The following SLX4IP variants were observed in gnomAD, a reference collection of about 807,000 sequenced individuals.
SLX4IP encodes the protein SLX4 interacting protein.
SLX4IP carries 34 observed loss-of-function variants against 32.9 expected under a neutral mutation model. The ratio of observed to expected loss-of-function variants is 1.03; its 90% CI spans 0.79 to 1.38. SLX4IP has a LOEUF of 1.38. Among genes scored for constraint, SLX4IP ranks in the 40% most tolerant of loss-of-function variants. The probability of loss-of-function intolerance (pLI) is 0.00; values close to 1 mark genes in which losing one functional copy is unlikely to be tolerated. For synonymous variants in SLX4IP, 172 were observed against 171.7 expected (o/e 1.00, Z -0.01); for missense variants, 444 against 479.0 (o/e 0.93, Z 0.68).
chr20:10,497,003 A>AT (rs2122406535), intron 2 of SLX4IP, among the ~76,000 whole-genome samples: 1 of 152,166 alleles, frequency 6.6e-6, no homozygotes, highest in Non-Finnish European at 1.5e-5. Context: ...GGTTATTAAT[A>AT]TTTTTTCAAT....
chr20:10,543,863 T>C (rs993466109), intron 2 of SLX4IP, among the ~76,000 whole-genome samples: 1 of 152,234 alleles, frequency 6.6e-6, no homozygotes, highest in African/African-American at 2.4e-5. Context: ...TCAACTGCCT[T>C]CACCAGTCAT....
At chr20:10,550,720 A>G (rs1453094070) in intron 2 of SLX4IP, among the ~76,000 whole-genome samples, 2 of 152,138 alleles carry the variant, frequency 1.3e-5, no homozygotes, top group African/African-American at 4.8e-5. Context: ...GTGTTTCTGC[A>G]TTGAGACTCT....
chr20:10,542,902 T>C (rs2066123130), intron 2 of SLX4IP, among the ~76,000 whole-genome samples: 1 of 152,200 alleles, frequency 6.6e-6, no homozygotes, highest in Non-Finnish European at 1.5e-5. Flanking sequence ...TCCACCTATT[T>C]TGTGGGTATG....
At chr20:10,445,891 G>T (rs923887356) in intron 1 of SLX4IP, among the ~76,000 whole-genome samples, 17 of 148,548 alleles carry the variant, frequency 1.1e-4, no homozygotes, top group South Asian at 2.1e-4. Context: ...CTCTGAAACT[G>T]CTGGGATTAC....
chr20:10,581,732 A>G (rs2066588311), intron 4 of SLX4IP, among the ~76,000 whole-genome samples: 1 of 152,148 alleles, frequency 6.6e-6, no homozygotes, highest in African/African-American at 2.4e-5. Flanking sequence ...CCTGGGCAAC[A>G]TAGTGATACC....
chr20:10,446,477 T>G (rs1446840822), intron 1 of SLX4IP, among the ~76,000 whole-genome samples: 2 of 151,972 alleles, frequency 1.3e-5, no homozygotes, highest in African/African-American at 4.8e-5. Flanking sequence ...GAGCCTAAGT[T>G]CTCATTTCTC....
chr20:10,575,418 A>G (rs2066513473), intron 4 of SLX4IP, among the ~76,000 whole-genome samples: 1 of 152,132 alleles, frequency 6.6e-6, no homozygotes, highest in Admixed American at 6.5e-5. Flanking sequence ...GGGCTGGGGC[A>G]TACAGGGAGA....
intron 6 of SLX4IP, chr20:10,614,143 C>T (rs1291253213): frequency 2.3e-5 from 27 of 1,189,044 alleles, no homozygotes; most frequent in Non-Finnish European, 3.2e-5. Flanking sequence ...CCATCGGAGG[C>T]CTCGCGTTGC....
chr20:10,594,612 G>A (rs1426340802), intron 4 of SLX4IP, among the ~76,000 whole-genome samples: 2 of 152,178 alleles, frequency 1.3e-5, no homozygotes, highest in African/African-American at 4.8e-5. Flanking sequence ...AGTGTCTTGG[G>A]ACTGTGAACT....
At chr20:10,619,370 C>G (rs2067081102) in intron 6 of SLX4IP, among the ~76,000 whole-genome samples, 1 of 152,092 alleles carries the variant, frequency 6.6e-6, no homozygotes, top group South Asian at 2.1e-4. Flanking sequence ...TGAGAGCCGA[C>G]TGCTCTGCTT....
At chr20:10,470,435 G>A (rs2065415120) in intron 2 of SLX4IP, among the ~76,000 whole-genome samples, 1 of 152,186 alleles carries the variant, frequency 6.6e-6, no homozygotes, top group African/African-American at 2.4e-5. Context: ...TACTTCTCTA[G>A]TAGTAGGCTC....
rs184878489 is a variant in SLX4IP, at chr20:10,617,036, G to A, written c.406-4278G>A. Among the ~76,000 whole-genome samples the A allele has an allele frequency of 1.1e-3, 168 of 152,330 alleles. 2 individuals are homozygous for A. The highest frequency in any genetic ancestry group is 1.6e-3 in the Non-Finnish European group (112 of 68,026). ...TTCTGCTGGGTATCAGAATCACTGA[G>A]GGGCTTGCCCAAAATATACATGCCC... On this transcript the variant is annotated intron_variant, in intron 6 of 7. Transcript: ENST00000334534.
intron 1 of SLX4IP, among the ~76,000 whole-genome samples, chr20:10,442,061 T>G (rs1243321140): frequency 6.6e-6 from 1 of 152,220 alleles, no homozygotes; most frequent in Non-Finnish European, 1.5e-5. Flanking sequence ...TAATGAAAGT[T>G]TTTTAAGATG....
chr20:10,450,248 C>T (rs2065231121), intron 1 of SLX4IP, among the ~76,000 whole-genome samples: 1 of 152,108 alleles, frequency 6.6e-6, no homozygotes, highest in African/African-American at 2.4e-5. Flanking sequence ...TTCCTGGTTC[C>T]ATGTCTAGCT....
At chr20:10,556,124 G>C (rs1299973147) in intron 2 of SLX4IP, 107 bp from the exon 3 acceptor site, 1 of 927,134 alleles carries the variant, frequency 1.1e-6, no homozygotes, top group Non-Finnish European at 1.6e-6. Context: ...AGTGAACTTT[G>C]TTGCCATTTC....
chr20:10,604,567 A>G (rs943814607), intron 6 of SLX4IP, among the ~76,000 whole-genome samples: 5 of 152,246 alleles, frequency 3.3e-5, no homozygotes, highest in Admixed American at 6.5e-5. Context: ...GCTGTTCCAG[A>G]TCAGGCAGTA....
intron 2 of SLX4IP, among the ~76,000 whole-genome samples, chr20:10,526,219 T>C (rs922049036): frequency 3.9e-5 from 6 of 152,342 alleles, no homozygotes; most frequent in South Asian, 2.1e-4. Flanking sequence ...GTCATCAATC[T>C]AGATGTCTAT....
At chr20:10,527,087 A>G (rs1237521768) in intron 2 of SLX4IP, among the ~76,000 whole-genome samples, 1 of 152,228 alleles carries the variant, frequency 6.6e-6, no homozygotes, top group African/African-American at 2.4e-5. Flanking sequence ...TCTGGCTGTA[A>G]TGATCACATA....
intron 2 of SLX4IP, among the ~76,000 whole-genome samples, chr20:10,503,441 T>C (rs2065735400): frequency 1.3e-5 from 2 of 152,242 alleles, no homozygotes; most frequent in African/African-American, 4.8e-5. Context: ...TGCTGTTTTC[T>C]GTGGACCTGC....
Sources: allele counts gnomAD v4.1 joint callset (sites outside exome capture counted in the v4.1 genomes callset), GRCh38; gene constraint gnomAD v4.1.1; transcripts MANE v1.5; gene names NCBI Gene and HGNC (gene_info 2026-07-23, HGNC 2026-07-21).